DHX36: variants seen among roughly 807,000 people sequenced by gnomAD.
The protein encoded by DHX36 is ATP-dependent DNA/RNA helicase DHX36.
A neutral mutation model predicts 139.0 loss-of-function variants in DHX36; 50 were observed. The observed-to-expected ratio is 0.36, with a 90% CI of 0.29 to 0.46. DHX36 has a LOEUF of 0.46. Among genes scored for constraint, DHX36 ranks in the 20% least tolerant of loss-of-function variants. The pLI is 1.00. For missense variants in DHX36, 1,024 were observed against 1,211.3 expected (o/e 0.85, Z 2.29); for synonymous variants, 425 against 401.9 (o/e 1.06, Z -0.69).
rs1305878821 is a variant in DHX36 at position 154,311,947 on chromosome 3, T to C, written c.604-273A>G. 9.9e-6 allele frequency: 3 copies of C among 302,898 alleles called. No individual in the cohort carries two copies. In the South Asian group the frequency reaches 3.2e-4, roughly 32 times the overall value. The allele number at this position is 302,898 out of a possible 1,614,324, so 18.8% of individuals were successfully genotyped here. ...AATCGGATCTGTCCTCTAACAGTAT[T>C]CTAATAATTGCTAAATTACTTTCAC... On this transcript the variant is annotated intron_variant, in intron 3 of 24. Coordinates refer to ENST00000496811, the MANE Select transcript of DHX36 (RefSeq NM_020865.3).
intron 15 of DHX36, among the ~76,000 whole-genome samples, chr3:154,291,640 A>T (rs1711816203): frequency 6.6e-6 from 1 of 152,230 alleles, no homozygotes; most frequent in South Asian, 2.1e-4. Flanking sequence ...ACAGCAAGTC[A>T]GTCAGAGCTT....
intron 18 of DHX36, 58 bp from the exon 19 acceptor site, chr3:154,284,727 C>T (rs777946334): frequency 1.9e-6 from 3 of 1,592,232 alleles, no homozygotes; most frequent in African/African-American, 1.4e-5. Flanking sequence ...TGGAGAATGA[C>T]ATTCTAATAA....
intron 3 of DHX36, chr3:154,312,210 G>C (rs1004323252): frequency 6.6e-6 from 1 of 152,086 alleles, no homozygotes; most frequent in African/African-American, 2.4e-5. Context: ...AAGTATGAAT[G>C]CCTCAAAGAT....
At chr3:154,280,897 C>T (rs1334763848) in intron 20 of DHX36, 35 bp from the exon 21 acceptor site, 1 of 1,491,346 alleles carries the variant, frequency 6.7e-7, no homozygotes, top group African/African-American at 1.4e-5. Flanking sequence ...AACTAGAATA[C>T]CTTTCACACA....
At chr3:154,302,803 C>T (rs1424715078) in intron 9 of DHX36, among the ~76,000 whole-genome samples, 2 of 152,156 alleles carry the variant, frequency 1.3e-5, no homozygotes, top group Non-Finnish European at 2.9e-5. Flanking sequence ...ACCAGCCAGG[C>T]GTGGTGGCTC....
At chr3:154,283,636 A>C (rs1358641560) in intron 19 of DHX36, among the ~76,000 whole-genome samples, 1 of 151,770 alleles carries the variant, frequency 6.6e-6, no homozygotes, top group East Asian at 1.9e-4. Flanking sequence ...TTTTCTTTAT[A>C]GTTTGCTTTT....
chr3:154,299,951 C>CA, intron 11 of DHX36, 26 bp from the exon 12 acceptor site: 2 of 1,495,280 alleles, frequency 1.3e-6, no homozygotes, highest in Non-Finnish European at 1.9e-6. Context: ...ATAACCATTA[C>CA]AAAGGATCAC....
At chr3:154,302,333 G>A (rs908196125) in intron 9 of DHX36, among the ~76,000 whole-genome samples, 5 of 152,200 alleles carry the variant, frequency 3.3e-5, no homozygotes, top group African/African-American at 9.6e-5. Context: ...GTACATAACT[G>A]CCTGATACAC....
intron 3 of DHX36, among the ~76,000 whole-genome samples, chr3:154,313,468 C>T (rs1421991115): frequency 6.6e-6 from 1 of 151,982 alleles, no homozygotes; most frequent in Non-Finnish European, 1.5e-5. Flanking sequence ...TTGCTTGAGC[C>T]CAGGAGTTCA....
At chr3:154,277,837 C>T in intron 22 of DHX36, 119 bp from the exon 23 acceptor site, 1 of 938,720 alleles carries the variant, frequency 1.1e-6, no homozygotes, top group Non-Finnish European at 1.5e-6. Context: ...ATCCCGGAAT[C>T]TAAAAAAATT....
intron 2 of DHX36, 43 bp downstream of exon 2, chr3:154,315,996 G>C: frequency 6.3e-7 from 1 of 1,581,148 alleles, no homozygotes; most frequent in Non-Finnish European, 8.6e-7. Flanking sequence ...TTATTAAAGT[G>C]TTACTCTTTG....
chr3:154,286,408 G>C (rs1433782321), intron 17 of DHX36, among the ~76,000 whole-genome samples: 1 of 151,552 alleles, frequency 6.6e-6, no homozygotes, highest in Non-Finnish European at 1.5e-5. Flanking sequence ...GGACTTTACA[G>C]CATTAATGAA....
intron 19 of DHX36, 92 bp from the exon 20 acceptor site, chr3:154,283,363 T>C: frequency 1.3e-6 from 1 of 799,982 alleles, no homozygotes; most frequent in Non-Finnish European, 2.1e-6. Flanking sequence ...AGCTTAATAT[T>C]CTACTAATAT....
Position 154,276,840 on chromosome 3 carries a change from G to C in DHX36, c.2748C>G (p.Asp916Glu). 2 of 1,613,656 alleles carry C rather than the reference G, an allele frequency of 1.2e-6. No individual in the cohort carries two copies. Among genetic ancestry groups the C allele is most frequent in the Non-Finnish European group, 1.7e-6 (2 of 1,179,800 alleles). Residue 916 changes from aspartate to glutamate, a missense_variant, in exon 24 of 25, where the codon GAC (aspartate) becomes GAG (glutamate). Physicochemically the swap from Asp to Glu is conservative, Grantham distance 45. Around this residue, in one of 4 missense-constraint regions of DHX36, gnomAD observed 470 missense variants for 616.2 expected, o/e 0.76. Coordinates refer to ENST00000496811, the MANE Select transcript of DHX36 (RefSeq NM_020865.3). ...GATCGTTATCCTTCTGGATGGAAAT[G>C]TCACCTCCAAAAAACAAGAGACAGT... ...SPYCLLFFGG[D>E]ISIQKDNDQE...
At chr3:154,300,530 C>T (rs1468618180) in intron 11 of DHX36, 64 bp downstream of exon 11, 6 of 1,289,372 alleles carry the variant, frequency 4.7e-6, no homozygotes, top group South Asian at 1.3e-5. Flanking sequence ...CTGTATTTTT[C>T]ATGGCCTTGA....
At chr3:154,283,327 C>A in intron 19 of DHX36, 56 bp from the exon 20 acceptor site, 2 of 1,189,634 alleles carry the variant, frequency 1.7e-6, no homozygotes, top group South Asian at 1.3e-5. Flanking sequence ...AAGATTACTA[C>A]TGGTTTCCCT....
At chr3:154,285,323 C>T (rs1006065945) in intron 17 of DHX36, among the ~76,000 whole-genome samples, 2 of 152,132 alleles carry the variant, frequency 1.3e-5, no homozygotes. Flanking sequence ...CACTATTATA[C>T]ATCTGGAATA....
In DHX36 at chr3:154,316,146, C is replaced by T. The variant is rs1386248260; in HGVS notation, c.261G>A (p.Met87Ile). 2 of 1,613,200 alleles carry T rather than the reference C, an allele frequency of 1.2e-6. No homozygotes were observed. Among genetic ancestry groups the T allele is most frequent in the Admixed American group, 3.3e-5 (2 of 59,954 alleles). ...CAATTTGTTCTTCTCGTCGTTCATC[C>T]ATGTGTACTACAGCTCTCTAGTTTG... ...AERQERAVVH[M>I]DERREEQIVQ... Residue 87 changes from methionine (M) to isoleucine (I), a missense_variant, in exon 2 of 25, where the codon ATG becomes ATA. By Grantham distance (10) the Met-to-Ile change is conservative (BLOSUM62 1). Around this residue, in one of 4 missense-constraint regions of DHX36, gnomAD observed 293 missense variants for 274.4 expected, o/e 1.07. Coordinates refer to ENST00000496811, the MANE Select transcript of DHX36 (RefSeq NM_020865.3).
intron 15 of DHX36, among the ~76,000 whole-genome samples, chr3:154,291,088 T>A (rs1576863408): frequency 8.8e-6 from 1 of 113,226 alleles, no homozygotes; most frequent in African/African-American, 3.4e-5. Flanking sequence ...TGAGCCGAGA[T>A]CCCGCCACTG....
Sources: gnomAD v4.1 joint callset for allele counts (sites outside exome capture counted in the v4.1 genomes callset) on GRCh38, gnomAD v4.1.1 for gene constraint, gnomAD v4.1.1 regional missense constraint, MANE v1.5 for transcripts, NCBI Gene and HGNC (gene_info 2026-07-23, HGNC 2026-07-21) for gene names.